The following NCALD variants were observed in gnomAD, a reference collection of about 807,000 sequenced individuals.
NCALD encodes the protein neurocalcin delta.
In NCALD, 10 loss-of-function variants were observed where a neutral mutation model predicts 18.6. The observed-to-expected ratio is 0.54, with a 90% CI of 0.33 to 0.91. The LOEUF (loss-of-function observed/expected upper bound fraction) is 0.91, where lower values mean the gene tolerates loss of function less well. Ranked by LOEUF, NCALD falls within the 40% of genes least tolerant of loss-of-function variation. The pLI, the probability that NCALD is intolerant of heterozygous loss-of-function variation, is 0.03. For missense variants in NCALD, 184 were observed against 247.6 expected (o/e 0.74, Z 1.72); for synonymous variants, 88 against 87.4 (o/e 1.01, Z -0.04).
Position 101,815,894 on chromosome 8 carries a change from G to C in NCALD, c.-20+71247C>G, listed in dbSNP as rs1813477133. ...AATTGCCAAAACTTGAAACAACCAA[G>C]ATGTCCTTCAGTAGGTAAGTGGATA... On this transcript the variant is annotated intron_variant, in intron 4 of 6. Coordinates refer to the NCALD transcript ENST00000311028. Among the ~76,000 whole-genome samples, 3 of 152,238 alleles carry C rather than the reference G, an allele frequency of 2.0e-5. No individual in the cohort carries two copies. In the South Asian group the frequency reaches 6.2e-4, roughly 32 times the overall value.
Position 101,979,526 on chromosome 8 carries a change from G to A in NCALD, c.-157+40711C>T, listed in dbSNP as rs867264803. Among the ~76,000 whole-genome samples the A allele has an allele frequency of 5.9e-5, 9 of 152,320 alleles. No individual in the cohort carries two copies. In the Middle Eastern group the frequency reaches 0.014, roughly 230 times the overall value. The stretch of plus-strand genomic sequence containing the variant: ...CTTGGAGCTTACAGCAAATCAACAA[G>A]TAACCATGAGAAATCTCAGGATGGG... On this transcript the variant is annotated intron_variant, in intron 2 of 6. Coordinates refer to the NCALD transcript ENST00000311028.
intron 3 of NCALD, among the ~76,000 whole-genome samples, chr8:101,893,392 C>A (rs1485873411): frequency 1.3e-5 from 2 of 150,996 alleles, no homozygotes; most frequent in South Asian, 4.2e-4. Context: ...ACAACCAGTA[C>A]CAGCCACTGC....
At chr8:101,916,528 A>G (rs1817975925) in intron 2 of NCALD, among the ~76,000 whole-genome samples, 1 of 152,176 alleles carries the variant, frequency 6.6e-6, no homozygotes, top group Non-Finnish European at 1.5e-5. Context: ...TATCACTATT[A>G]CTTGAATGCA....
At chr8:101,764,689 A>G (rs1811270922) in intron 1 of NCALD, among the ~76,000 whole-genome samples, 1 of 152,190 alleles carries the variant, frequency 6.6e-6, no homozygotes, top group African/African-American at 2.4e-5. Flanking sequence ...GCATGCTAAT[A>G]ATGTCATTAG....
In NCALD at chr8:102,040,471, C is replaced by CAAAAA. The variant is rs60568830; in HGVS notation, c.-209-20187_-209-20183dup. On this transcript the variant is annotated intron_variant, in intron 1 of 6. Transcript: ENST00000311028. ...CCTGGGTGATAGAGTGAGAATCCATCAAAAAAAAAAAAGAAAAGAAAAGAA... is the reference window on the plus strand; with the variant it reads ...CCTGGGTGATAGAGTGAGAATCCATCAAAAAAAAAAAAAAAAAGAAAAGAAAAGAA... Among the ~76,000 whole-genome samples, 947 of 135,702 alleles carry CAAAAA rather than the reference C, an allele frequency of 7.0e-3. 13 individuals carry two copies. The highest frequency in any genetic ancestry group is 0.019 in the South Asian group (83 of 4,480). The allele number at this position is 135,702 out of a possible 152,430, so 89.0% of individuals were successfully genotyped here.
chr8:101,817,576 C>CAAAA (rs71268531), intron 4 of NCALD, among the ~76,000 whole-genome samples: 3 of 148,888 alleles, frequency 2.0e-5, no homozygotes, highest in African/African-American at 2.5e-5. Flanking sequence ...AAGCAGCTAC[C>CAAAA]AAAAAAAAAA....
intron 2 of NCALD, among the ~76,000 whole-genome samples, chr8:101,715,732 G>C (rs940568818): frequency 6.6e-6 from 1 of 152,156 alleles, no homozygotes; most frequent in Non-Finnish European, 1.5e-5. Flanking sequence ...CATCATCACT[G>C]GTCATTAGAG....
intron 2 of NCALD, among the ~76,000 whole-genome samples, chr8:101,706,638 C>G (rs4734587): frequency 6.6e-6 from 1 of 151,978 alleles, no homozygotes; most frequent in East Asian, 1.9e-4. Context: ...GAGATCATCA[C>G]GAATTTGAGT....
At chr8:101,829,973 G>GA (rs1423470222) in intron 4 of NCALD, among the ~76,000 whole-genome samples, 2 of 98,080 alleles carry the variant, frequency 2.0e-5, no homozygotes, top group Non-Finnish European at 4.3e-5. Context: ...CAGTCACATG[G>GA]GTTTTTTTTT....
At position 101,953,951 on chromosome 8, in the gene NCALD, GC is replaced by G. The variant is rs150720150; in HGVS notation, c.-156-38094del. On this transcript the variant is annotated intron_variant, in intron 2 of 6. Transcript: ENST00000311028. Reference sequence around the variant, plus strand: ...TAAGAGAAGTCTTGTAGAGGGCAGAGCCCTTGACCTAACTCCAGGTAGTCAG... The same window carrying G: ...TAAGAGAAGTCTTGTAGAGGGCAGAGCCTTGACCTAACTCCAGGTAGTCAG... 3.2e-3 allele frequency among the ~76,000 whole-genome samples: 482 copies of G among 152,330 alleles called. 5 individuals carry two copies. The highest frequency in any genetic ancestry group is 4.8e-3 in the Admixed American group (73 of 15,306).
At chr8:101,919,103 G>A (rs1378526280) in intron 2 of NCALD, among the ~76,000 whole-genome samples, 1 of 152,146 alleles carries the variant, frequency 6.6e-6, no homozygotes, top group Non-Finnish European at 1.5e-5. Flanking sequence ...CAAAGCTGGA[G>A]GCATCACGTT....
intron 2 of NCALD, among the ~76,000 whole-genome samples, chr8:101,995,167 T>A (rs997073807): frequency 3.3e-5 from 5 of 152,220 alleles, no homozygotes; most frequent in Non-Finnish European, 5.9e-5. Context: ...TCTGTCATTA[T>A]CCTTCTGATG....
chr8:101,909,263 G>T (rs1489119974), intron 3 of NCALD, among the ~76,000 whole-genome samples: 1 of 152,144 alleles, frequency 6.6e-6, no homozygotes, highest in Admixed American at 6.6e-5. Context: ...TTGTAATTTT[G>T]TCTTTTGACA....
At chr8:101,816,750 AC>A (rs768019123) in intron 4 of NCALD, among the ~76,000 whole-genome samples, 4 of 152,136 alleles carry the variant, frequency 2.6e-5, no homozygotes, top group Non-Finnish European at 5.9e-5. Flanking sequence ...ATTTGTCCAA[AC>A]CCATAGAATG....
chr8:102,082,284 G>C lies in NCALD; in HGVS notation c.-210+41953C>G, dbSNP rs1824573903. Among the ~76,000 whole-genome samples, 7 of 136,742 alleles carry C rather than the reference G, an allele frequency of 5.1e-5. 1 individual carries two copies. The South Asian group carries it at 1.7e-3, about 33-fold the overall frequency. 89.7% of individuals were successfully genotyped at this position (136,742 alleles called of 152,430 possible). The stretch of plus-strand genomic sequence containing the variant: ...GTCTCGCTCTGTCGCCCAGGCTGGA[G>C]TGCAGTGGCGCAGTCTGGGCTCACT... On this transcript the variant is annotated intron_variant, in intron 1 of 6. Transcript: ENST00000311028.
chr8:101,979,654 T>G (rs1209001947), intron 2 of NCALD, among the ~76,000 whole-genome samples: 3 of 152,238 alleles, frequency 2.0e-5, no homozygotes, highest in Non-Finnish European at 4.4e-5. Context: ...AGCTACAATC[T>G]CTTCTTCTTC....
At chr8:101,980,848 G>A (rs1253491643) in intron 2 of NCALD, among the ~76,000 whole-genome samples, 1 of 152,126 alleles carries the variant, frequency 6.6e-6, no homozygotes, top group African/African-American at 2.4e-5. Flanking sequence ...GCCATTTTAA[G>A]CCCTATTATT....
chr8:101,874,716 C>T lies in NCALD; in HGVS notation c.-20+12425G>A, dbSNP rs757213300. ...ATTTTAAAAAATTTTTTTGTAGAGA[C>T]GAGGTCTTACTATGTTGCCCAGGTT... On this transcript the variant is annotated intron_variant, in intron 4 of 6. Coordinates refer to the NCALD transcript ENST00000311028. 5.6e-4 allele frequency among the ~76,000 whole-genome samples: 85 copies of T among 151,892 alleles called. 2 individuals are homozygous for T. Among genetic ancestry groups the T allele is most frequent in the Non-Finnish European group, 8.2e-4 (56 of 67,978 alleles).
chr8:102,108,234 C>T (rs966634886), intron 1 of NCALD, among the ~76,000 whole-genome samples: 5 of 152,174 alleles, frequency 3.3e-5, no homozygotes, highest in Admixed American at 1.3e-4. Flanking sequence ...CACAGTTTGG[C>T]ATACACAAAA....
Sources: allele counts gnomAD v4.1 joint callset (sites outside exome capture counted in the v4.1 genomes callset), GRCh38; gene constraint gnomAD v4.1.1; transcripts MANE v1.5; gene names NCBI Gene and HGNC (gene_info 2026-07-23, HGNC 2026-07-21).